Variants in STAB2 observed in about 807,000 individuals in gnomAD.
STAB2 encodes stabilin 2.
A neutral mutation model predicts 338.1 loss-of-function variants in STAB2; 288 were observed. The observed-to-expected ratio is 0.85, with a 90% CI of 0.77 to 0.94. The LOEUF is 0.94. Ranked by LOEUF, STAB2 falls within the 40% of genes least tolerant of loss-of-function variation. The pLI, the probability that STAB2 is intolerant of heterozygous loss-of-function variation, is 0.00. For synonymous variants in STAB2, 1,202 were observed against 1,193.3 expected (o/e 1.01, Z -0.15); for missense variants, 3,141 against 3,210.1 (o/e 0.98, Z 0.52).
chr12:103,690,373 C>G lies in STAB2; in HGVS notation c.3183-51C>G, dbSNP rs1249498917. On this transcript the variant is annotated intron_variant, in intron 29 of 68. Coordinates refer to ENST00000388887, the MANE Select transcript of STAB2 (RefSeq NM_017564.10). ...CTATTCTCTTAACTATTCAATGATA[C>G]AGCCCCATACATTTATATTGAATTA... is the stretch of plus-strand genomic sequence containing the variant. 2.1e-6 allele frequency: 3 copies of G among 1,439,300 alleles called. No homozygotes were observed. In the South Asian group the frequency reaches 3.6e-5, roughly 17 times the overall value. The allele number at this position is 1,439,300 out of a possible 1,614,324, so 89.2% of individuals were successfully genotyped here. A position where few individuals can be genotyped will look rare whatever the true frequency, so the allele number is the denominator to read the frequency against.
intron 3 of STAB2, among the ~76,000 whole-genome samples, chr12:103,616,087 C>T (rs923718051): frequency 6.6e-6 from 1 of 152,104 alleles, no homozygotes; most frequent in African/African-American, 2.4e-5. Flanking sequence ...GAACACCTGC[C>T]TAAATTTTTT....
chr12:103,741,420 C>T (rs1330191352), intron 55 of STAB2, among the ~76,000 whole-genome samples: 2 of 152,144 alleles, frequency 1.3e-5, no homozygotes, highest in Non-Finnish European at 2.9e-5. Flanking sequence ...TGGGCAACAA[C>T]CCCTAGGGAG....
In STAB2 at chr12:103,615,805, G is replaced by A. The variant is rs142644756; in HGVS notation, c.332-4663G>A. On this transcript the variant is annotated intron_variant, in intron 3 of 68. Coordinates refer to ENST00000388887, the MANE Select transcript of STAB2 (RefSeq NM_017564.10). ...GCAGAACAGAGTAAGTGCAAGCAGG[G>A]GAAATGCCAGACACTTATAAAGCCA... Among the ~76,000 whole-genome samples the A allele has an allele frequency of 3.2e-3, 487 of 152,288 alleles. 3 individuals are homozygous for A. Among genetic ancestry groups the A allele is most frequent in the South Asian group, 0.024 (118 of 4,828 alleles).
intron 67 of STAB2, 47 bp downstream of exon 67, chr12:103,762,449 C>G: frequency 6.2e-7 from 1 of 1,613,490 alleles, no homozygotes; most frequent in Non-Finnish European, 8.5e-7. Context: ...TCTCCAAAAA[C>G]CCAGTCCCTG....
chr12:103,763,735 A>G (rs1258408003), intron 68 of STAB2, 127 bp downstream of exon 68: 1 of 911,984 alleles, frequency 1.1e-6, no homozygotes, highest in East Asian at 2.5e-5. Flanking sequence ...TCAGGTAACA[A>G]GCCTAAAAGC....
At position 103,660,310 on chromosome 12, in the gene STAB2, A is replaced by G. The variant is rs775931296; in HGVS notation, c.1735-21A>G. The G allele has an allele frequency of 3.1e-6, 5 of 1,613,084 alleles. No individual in the cohort carries two copies. In the East Asian group the frequency reaches 6.7e-5, roughly 22 times the overall value. On this transcript the variant is annotated intron_variant, in intron 15 of 68. Coordinates refer to ENST00000388887, the MANE Select transcript of STAB2 (RefSeq NM_017564.10). ...GTTGCATTTTCTTCTTTGACTAAAG[A>G]AGTATTTGGTTCCTTTGCAGGGATC...
chr12:103,588,927 G>C (rs1956755203), intron 1 of STAB2, among the ~76,000 whole-genome samples: 1 of 152,078 alleles, frequency 6.6e-6, no homozygotes, highest in Admixed American at 6.5e-5. Flanking sequence ...AAAACTCCTG[G>C]TAAAAATAGA....
intron 34 of STAB2, among the ~76,000 whole-genome samples, chr12:103,701,783 CA>C (rs1335088844): frequency 1.3e-5 from 2 of 151,870 alleles, no homozygotes; most frequent in African/African-American, 4.8e-5. Flanking sequence ...TCCCAACATC[CA>C]AATGGAAGCT....
rs150052521 is a variant in STAB2 at position 103,703,163 on chromosome 12, G to T, written c.3730G>T (p.Ala1244Ser). ...TTGTTCACAGCTCTATGTAAATGAG[G>T]CTCCAATAAACTACACCAATGTAGC... is the stretch of plus-strand genomic sequence containing the variant. ...LHNDQLYVNEAPINYTNVATD... is the reference protein window; with the variant it reads ...LHNDQLYVNESPINYTNVATD... Residue 1244 changes from alanine (A) to serine (S), a missense_variant, in exon 35 of 69, where the codon GCT becomes TCT. By Grantham distance (99) the Ala-to-Ser change is moderately conservative. Coordinates refer to ENST00000388887, the MANE Select transcript of STAB2 (RefSeq NM_017564.10). 74 of 1,613,380 alleles carry T rather than the reference G, an allele frequency of 4.6e-5. No homozygotes were observed. The Admixed American group carries it at 1.0e-3, about 22-fold the overall frequency.
chr12:103,668,534 C>T (rs571317474), intron 19 of STAB2, 109 bp from the exon 20 acceptor site: 87 of 988,390 alleles, frequency 8.8e-5, no homozygotes, highest in Middle Eastern at 8.6e-4. Flanking sequence ...TCTCTCCTGA[C>T]GTCAGTGGTG....
chr12:103,705,851 C>CAT lies in STAB2; in HGVS notation c.3996+125_3996+126dup, dbSNP rs1879303294. ...GCCATCTCCTCTTCCTTGTTACCTGCATTATCATTGTCATCCAATGTAGTA... is the reference window on the plus strand; with the variant it reads ...GCCATCTCCTCTTCCTTGTTACCTGCATATTATCATTGTCATCCAATGTAGTA... On this transcript the variant is annotated intron_variant, in intron 37 of 68. Coordinates refer to ENST00000388887, the MANE Select transcript of STAB2 (RefSeq NM_017564.10). The CAT allele has an allele frequency of 3.5e-6, 3 of 856,762 alleles. No individual in the cohort carries two copies. The African/African-American group carries it at 5.0e-5, about 14-fold the overall frequency. 53.1% of individuals were successfully genotyped at this position (856,762 alleles called of 1,614,324 possible).
chr12:103,758,419 A>C, intron 64 of STAB2, 130 bp downstream of exon 64: 1 of 1,453,928 alleles, frequency 6.9e-7, no homozygotes, highest in Non-Finnish European at 9.2e-7. Context: ...TCTGCAGATC[A>C]GTTGGCCACT....
At chr12:103,728,633 T>C (rs547533753) in intron 47 of STAB2, among the ~76,000 whole-genome samples, 3 of 152,322 alleles carry the variant, frequency 2.0e-5, no homozygotes, top group Admixed American at 6.5e-5. Flanking sequence ...CCTTCCACAC[T>C]GATATTCCAC....
intron 33 of STAB2, among the ~76,000 whole-genome samples, chr12:103,698,372 G>T (rs1354926893): frequency 6.6e-6 from 1 of 152,092 alleles, no homozygotes; most frequent in East Asian, 1.9e-4. Context: ...TGAAGTAGCG[G>T]GGTAAGAAGG....
rs984487679 is a variant in STAB2, at chr12:103,758,283, G to A, written c.7101G>A (p.Glu2367=). Residue 2367 remains glutamate, a synonymous_variant, in exon 64 of 69, where the codon GAG becomes GAA. Coordinates refer to ENST00000388887, the MANE Select transcript of STAB2 (RefSeq NM_017564.10). ...LFVPQNSGLG[E]NETLSGRDIE... ...TGCCACAGAACAGTGGGCTGGGGGAGAATGAGGTGAGTTGAGTCCCTGGTG... is the reference window on the plus strand; with the variant it reads ...TGCCACAGAACAGTGGGCTGGGGGAAAATGAGGTGAGTTGAGTCCCTGGTG... The A allele has an allele frequency of 3.1e-6, 5 of 1,613,494 alleles. No individual in the cohort carries two copies. The highest frequency in any genetic ancestry group is 4.2e-6 in the Non-Finnish European group (5 of 1,180,024).
chr12:103,650,770 A>G (rs1241445084), intron 11 of STAB2, among the ~76,000 whole-genome samples, 192 bp downstream of exon 11: 1 of 152,228 alleles, frequency 6.6e-6, no homozygotes, highest in African/African-American at 2.4e-5. Context: ...GTAAGTGTAC[A>G]ACTCAGTGAA....
intron 43 of STAB2, among the ~76,000 whole-genome samples, chr12:103,717,233 G>C (rs1406873053): frequency 6.6e-6 from 1 of 152,208 alleles, no homozygotes; most frequent in Non-Finnish European, 1.5e-5. Flanking sequence ...AGCTTCTTCA[G>C]ACAGTGTCCC....
At chr12:103,609,824 T>A (rs1212085652) in intron 3 of STAB2, among the ~76,000 whole-genome samples, 1 of 152,138 alleles carries the variant, frequency 6.6e-6, no homozygotes, top group East Asian at 1.9e-4. Context: ...GGCTGTGGGT[T>A]TGTCATAAAT....
chr12:103,759,241 C>T lies in STAB2; in HGVS notation c.7216C>T (p.Leu2406Phe), dbSNP rs753452284. 8.1e-6 allele frequency: 13 copies of T among 1,614,066 alleles called. No homozygotes were observed. The South Asian group carries it at 1.4e-4, about 18-fold the overall frequency. Residue 2406 changes from leucine (L) to phenylalanine (F), a missense_variant, in exon 65 of 69, where the codon CTC becomes TTC. Physicochemically the swap from Leu to Phe is conservative, Grantham distance 22. Transcript: ENST00000388887. ...GCAAACGAGGCTGGGAAGCAAGCTGCTCATCACTGCCAGCCAGGACCCACT... is the reference window on the plus strand; with the variant it reads ...GCAAACGAGGCTGGGAAGCAAGCTGTTCATCACTGCCAGCCAGGACCCACT... ...TLQTRLGSKL[L>F]ITASQDPLQP...
Sources: gnomAD v4.1 joint callset for allele counts (sites outside exome capture counted in the v4.1 genomes callset) on GRCh38, gnomAD v4.1.1 for gene constraint, MANE v1.5 for transcripts, NCBI Gene and HGNC (gene_info 2026-07-23, HGNC 2026-07-21) for gene names.